The following RBFOX1 variants were observed in gnomAD, a reference collection of about 807,000 sequenced individuals.
The protein encoded by RBFOX1 is RNA binding protein fox-1 homolog 1.
Under a neutral mutation model 57.7 loss-of-function variants are expected in RBFOX1, and 8 were observed. The ratio of observed to expected loss-of-function variants is 0.14; its 90% CI spans 0.08 to 0.25. RBFOX1 has a LOEUF of 0.25. Ranked by LOEUF, RBFOX1 falls within the 10% of genes least tolerant of loss-of-function variation. The pLI, the probability that RBFOX1 is intolerant of heterozygous loss-of-function variation, is 1.00. For missense variants in RBFOX1, 611 were observed against 548.5 expected (o/e 1.11, Z -1.14); for synonymous variants, 326 against 222.4 (o/e 1.47, Z -4.15).
intron 2 of RBFOX1, among the ~76,000 whole-genome samples, chr16:5,549,514 A>G (rs779976589): frequency 2.0e-5 from 3 of 152,200 alleles, no homozygotes; most frequent in Non-Finnish European, 2.9e-5. Context: ...AGATAGGCAG[A>G]TACGATAAAG....
chr16:6,217,735 C>G (rs1047430007), intron 1 of RBFOX1, among the ~76,000 whole-genome samples: 2 of 152,184 alleles, frequency 1.3e-5, no homozygotes, highest in African/African-American at 2.4e-5. Context: ...GTTGCATAGG[C>G]TGGGCACAGT....
chr16:5,949,583 C>A (rs1027830819), intron 4 of RBFOX1, among the ~76,000 whole-genome samples: 13 of 149,074 alleles, frequency 8.7e-5, no homozygotes, highest in Non-Finnish European at 1.3e-4. Flanking sequence ...TAATACATTG[C>A]ATTTGGTTAC....
intron 4 of RBFOX1, among the ~76,000 whole-genome samples, chr16:7,302,799 T>C (rs894526881): frequency 2.6e-5 from 4 of 151,448 alleles, no homozygotes; most frequent in East Asian, 1.9e-4. Context: ...ATATTTTCTT[T>C]CGATTTGCAG....
chr16:5,503,476 G>A lies in RBFOX1; in HGVS notation c.258+36222G>A, dbSNP rs550549316. On this transcript the variant is annotated intron_variant, in intron 2 of 2. Transcript: ENST00000585867. Reference sequence around the variant, plus strand: ...TTTTGAGACGGAGTCTTGCTCTGTCGCCCAGGCTGGAGTGCAGTGGCGCAT... The same window carrying A: ...TTTTGAGACGGAGTCTTGCTCTGTCACCCAGGCTGGAGTGCAGTGGCGCAT... 6.6e-5 allele frequency among the ~76,000 whole-genome samples: 10 copies of A among 152,084 alleles called. No homozygotes were observed. In the East Asian group the frequency reaches 9.6e-4, roughly 15 times the overall value.
intron 3 of RBFOX1, among the ~76,000 whole-genome samples, chr16:6,801,563 G>A (rs1177423297): frequency 6.6e-6 from 1 of 152,050 alleles, no homozygotes; most frequent in Non-Finnish European, 1.5e-5. Context: ...TGCAGCAAAA[G>A]GAAGCCCATA....
chr16:5,263,716 A>C (rs2062791642), intron 1 of RBFOX1, among the ~76,000 whole-genome samples: 1 of 152,124 alleles, frequency 6.6e-6, no homozygotes, highest in Non-Finnish European at 1.5e-5. Flanking sequence ...TCTAGGGGTG[A>C]GATGGAAGTG....
At chr16:5,821,023 G>C (rs1292624619) in intron 3 of RBFOX1, among the ~76,000 whole-genome samples, 4 of 152,110 alleles carry the variant, frequency 2.6e-5, no homozygotes, top group Non-Finnish European at 5.9e-5. Context: ...TCAAGTGCCT[G>C]ATTTTCCCTC....
intron 1 of RBFOX1, among the ~76,000 whole-genome samples, chr16:6,087,596 C>G (rs1452565866): frequency 6.6e-6 from 1 of 151,906 alleles, no homozygotes; most frequent in Non-Finnish European, 1.5e-5. Context: ...TAACTATATA[C>G]TGTTCCATTG....
chr16:6,074,973 T>C (rs1284680111), intron 1 of RBFOX1, among the ~76,000 whole-genome samples: 2 of 152,060 alleles, frequency 1.3e-5, no homozygotes, highest in South Asian at 4.2e-4. Flanking sequence ...AAGGGTCTGA[T>C]TGGAGTCTGG....
At chr16:6,898,549 G>C (rs937210199) in intron 3 of RBFOX1, among the ~76,000 whole-genome samples, 1 of 152,160 alleles carries the variant, frequency 6.6e-6, no homozygotes, top group African/African-American at 2.4e-5. Context: ...ACAGAACATG[G>C]ATTCTGCTGT....
intron 3 of RBFOX1, among the ~76,000 whole-genome samples, chr16:6,963,167 C>T (rs1323653420): frequency 6.6e-6 from 1 of 152,198 alleles, no homozygotes; most frequent in South Asian, 2.1e-4. Flanking sequence ...GCCACCCAAG[C>T]CTAGCACTGC....
At chr16:6,611,962 T>C (rs2098063907) in intron 2 of RBFOX1, among the ~76,000 whole-genome samples, 1 of 151,402 alleles carries the variant, frequency 6.6e-6, no homozygotes, top group Non-Finnish European at 1.5e-5. Flanking sequence ...TCAATTCTGT[T>C]ACCGTTCCTT....
At chr16:5,641,251 T>C (rs139301002) in intron 3 of RBFOX1, among the ~76,000 whole-genome samples, 7 of 152,150 alleles carry the variant, frequency 4.6e-5, no homozygotes, top group Non-Finnish European at 1.0e-4. Flanking sequence ...ACCAACTGAG[T>C]ACCAGTTATT....
In RBFOX1 at chr16:7,643,654, T is replaced by C. The variant is rs1304958031; in HGVS notation, c.758-10161T>C. On this transcript the variant is annotated intron_variant, in intron 11 of 15. Transcript: ENST00000550418. ...TCTACAGAATCTGCATTCCCAATAT[T>C]TTTGGGTTGAACACAACCTCCCCCT... Among the ~76,000 whole-genome samples, 5 of 152,312 alleles carry C rather than the reference T, an allele frequency of 3.3e-5. No homozygotes were observed. In the South Asian group the frequency reaches 6.2e-4, roughly 19 times the overall value.
intron 3 of RBFOX1, among the ~76,000 whole-genome samples, chr16:6,734,104 C>A (rs555263834): frequency 2.0e-5 from 3 of 152,156 alleles, no homozygotes; most frequent in Non-Finnish European, 2.9e-5. Flanking sequence ...AGTCTTATTA[C>A]CAGAATTGCA....
intron 4 of RBFOX1, among the ~76,000 whole-genome samples, chr16:7,481,699 A>C (rs2063982759): frequency 6.6e-6 from 1 of 152,188 alleles, no homozygotes; most frequent in Non-Finnish European, 1.5e-5. Flanking sequence ...TGAACTACAG[A>C]TACTCCTTGA....
intron 3 of RBFOX1, among the ~76,000 whole-genome samples, chr16:6,808,701 C>A (rs1471089378): frequency 6.6e-6 from 1 of 152,120 alleles, no homozygotes; most frequent in Non-Finnish European, 1.5e-5. Flanking sequence ...AATGCTTCCT[C>A]CAACCTCTGC....
At chr16:7,071,548 T>C (rs939347802) in intron 4 of RBFOX1, among the ~76,000 whole-genome samples, 4 of 151,938 alleles carry the variant, frequency 2.6e-5, no homozygotes, top group South Asian at 2.1e-4. Context: ...CAAATTGTTG[T>C]TGGGGTCACA....
At chr16:7,245,867 T>C (rs576576324) in intron 4 of RBFOX1, among the ~76,000 whole-genome samples, 1 of 152,202 alleles carries the variant, frequency 6.6e-6, no homozygotes, top group Non-Finnish European at 1.5e-5. Flanking sequence ...TTTGCGTTTA[T>C]CTAATTTAAT....
Sources: allele counts gnomAD v4.1 joint callset (sites outside exome capture counted in the v4.1 genomes callset), GRCh38; gene constraint gnomAD v4.1.1; transcripts MANE v1.5; gene names NCBI Gene and HGNC (gene_info 2026-07-23, HGNC 2026-07-21).